The following ROBO1 variants were observed in gnomAD, a reference collection of about 807,000 sequenced individuals.
ROBO1 encodes the protein roundabout homolog 1.
In ROBO1, 149 loss-of-function variants were observed where a neutral mutation model predicts 195.9. The observed-to-expected ratio is 0.76, with a 90% CI of 0.67 to 0.87. The LOEUF is 0.87. ROBO1 is among the 40% of genes least tolerant of loss of function. The pLI is 0.00. For synonymous variants in ROBO1, 816 were observed against 733.2 expected, an observed-to-expected ratio of 1.11 and a Z score of -1.82; for missense variants, 1,933 against 2,068.3, an observed-to-expected ratio of 0.93 and a Z score of 1.27.
At chr3:78,862,523 G>C (rs192982330) in intron 4 of ROBO1, among the ~76,000 whole-genome samples, 1 of 152,250 alleles carries the variant, frequency 6.6e-6, no homozygotes, top group East Asian at 1.9e-4. Flanking sequence ...AGTTTGTGTT[G>C]TTTCAAACTG....
intron 4 of ROBO1, among the ~76,000 whole-genome samples, chr3:78,921,107 C>T (rs891041508): frequency 9.2e-5 from 14 of 152,298 alleles, no homozygotes; most frequent in African/African-American, 3.1e-4. Context: ...CAGTGCCAGA[C>T]ACATAGTGAA....
chr3:79,187,494 T>C (rs1308827780), intron 2 of ROBO1, among the ~76,000 whole-genome samples: 1 of 152,046 alleles, frequency 6.6e-6, no homozygotes, highest in African/African-American at 2.4e-5. Flanking sequence ...AATCAATTAC[T>C]GTACTAATTT....
chr3:79,749,545 G>A lies in ROBO1; in HGVS notation c.-51+18207C>T, dbSNP rs554040827. Among the ~76,000 whole-genome samples the A allele has an allele frequency of 1.2e-4, 18 of 152,270 alleles. No homozygotes were observed. The South Asian group carries it at 3.5e-3, about 30-fold the overall frequency. Reference sequence around the variant, plus strand: ...AGCCCCTTCCATCACAGGCCTGGAGGTCTAGGACTAAAAAGTGGTTTTGTG... The same window carrying A: ...AGCCCCTTCCATCACAGGCCTGGAGATCTAGGACTAAAAAGTGGTTTTGTG... On this transcript the variant is annotated intron_variant, in intron 1 of 30. Transcript: ENST00000464233.
At chr3:79,562,770 C>T (rs754621130) in intron 2 of ROBO1, among the ~76,000 whole-genome samples, 1 of 151,966 alleles carries the variant, frequency 6.6e-6, no homozygotes, top group Non-Finnish European at 1.5e-5. Flanking sequence ...CAATATCCCA[C>T]ATTTTCCTTT....
chr3:79,563,191 C>A (rs546007342), intron 2 of ROBO1, among the ~76,000 whole-genome samples: 1 of 152,010 alleles, frequency 6.6e-6, no homozygotes, highest in Admixed American at 6.6e-5. Flanking sequence ...CTATTGCAAC[C>A]CCCTTCAACT....
Position 79,109,508 on chromosome 3 carries a change from A to G in ROBO1, c.172+15948T>C, listed in dbSNP as rs530751417. 7.2e-5 allele frequency among the ~76,000 whole-genome samples: 11 copies of G among 152,036 alleles called. No individual in the cohort carries two copies. In the East Asian group the frequency reaches 2.1e-3, roughly 29 times the overall value. ...CAGATATTGCTATAGCTGTTTCCTC[A>G]TTGCTTTCTACTTCTGCTTTCTCAA... On this transcript the variant is annotated intron_variant, in intron 3 of 30. Coordinates refer to ENST00000464233, the MANE Select transcript of ROBO1 (RefSeq NM_002941.4).
intron 4 of ROBO1, among the ~76,000 whole-genome samples, chr3:78,779,260 T>A (rs1487201977): frequency 1.3e-5 from 2 of 151,726 alleles, no homozygotes; most frequent in African/African-American, 2.4e-5. Context: ...ACAAATAGGA[T>A]CTAATTAAAT....
chr3:79,201,531 A>G (rs1432236682), intron 2 of ROBO1, among the ~76,000 whole-genome samples: 1 of 151,982 alleles, frequency 6.6e-6, no homozygotes, highest in Non-Finnish European at 1.5e-5. Context: ...AAAGGCCAAG[A>G]AAGATTTTCA....
At chr3:79,222,764 A>T (rs2082162616) in intron 2 of ROBO1, among the ~76,000 whole-genome samples, 2 of 152,164 alleles carry the variant, frequency 1.3e-5, no homozygotes, top group African/African-American at 4.8e-5. Flanking sequence ...TTATTACTAT[A>T]ATATAAATTA....
intron 4 of ROBO1, among the ~76,000 whole-genome samples, chr3:78,881,853 C>T (rs954254110): frequency 6.6e-6 from 1 of 152,084 alleles, no homozygotes; most frequent in African/African-American, 2.4e-5. Context: ...ATAAGAATTA[C>T]TAATTTAATA....
chr3:78,826,645 C>A (rs1374706760), intron 4 of ROBO1, among the ~76,000 whole-genome samples: 1 of 152,146 alleles, frequency 6.6e-6, no homozygotes, highest in Non-Finnish European at 1.5e-5. Context: ...CAAAATGTTC[C>A]ATTGAATTGT....
intron 2 of ROBO1, among the ~76,000 whole-genome samples, chr3:79,334,918 C>T (rs1039693107): frequency 1.3e-5 from 2 of 149,312 alleles, no homozygotes; most frequent in Non-Finnish European, 3.0e-5. Context: ...CCAGCCTGGC[C>T]AATGTGGTGA....
At position 78,755,448 on chromosome 3, in the gene ROBO1, T is replaced by C. The variant is rs2082905548; in HGVS notation, c.500-8548A>G. ...ATGATTGCACTACTGCATTCCAGCC[T>C]GAGCAACAGAGCCAGACCCTGTTTC... On this transcript the variant is annotated intron_variant, in intron 4 of 30. Transcript: ENST00000464233. Among the ~76,000 whole-genome samples, 4 of 152,234 alleles carry C rather than the reference T, an allele frequency of 2.6e-5. No homozygotes were observed. In the South Asian group the frequency reaches 8.3e-4, roughly 32 times the overall value.
intron 1 of ROBO1, among the ~76,000 whole-genome samples, chr3:79,703,196 A>G (rs897285314): frequency 6.6e-5 from 10 of 151,950 alleles, no homozygotes; most frequent in African/African-American, 2.4e-4. Context: ...TATCACTTTC[A>G]TATGTCCTAA....
intron 3 of ROBO1, among the ~76,000 whole-genome samples, chr3:79,037,451 TA>T (rs1194361582): frequency 6.6e-6 from 1 of 152,160 alleles, no homozygotes; most frequent in South Asian, 2.1e-4. Context: ...ATTGTTGATT[TA>T]GCCATGTTAC....
At chr3:78,955,856 A>C (rs2041024431) in intron 3 of ROBO1, among the ~76,000 whole-genome samples, 1 of 152,156 alleles carries the variant, frequency 6.6e-6, no homozygotes, top group South Asian at 2.1e-4. Flanking sequence ...TGTCAACTTC[A>C]CTCATTTTAA....
intron 3 of ROBO1, among the ~76,000 whole-genome samples, chr3:78,957,334 A>G (rs2041099911): frequency 1.3e-5 from 2 of 151,278 alleles, no homozygotes; most frequent in Non-Finnish European, 2.9e-5. Context: ...AAAAAACAAA[A>G]ACAGTAAGTG....
chr3:79,583,777 C>T (rs115991016), intron 2 of ROBO1, among the ~76,000 whole-genome samples: 2,925 of 151,860 alleles, frequency 0.019, 113 homozygotes, highest in African/African-American at 0.066. Context: ...ATGATCACAA[C>T]GATGAACTAT....
At chr3:79,107,129 A>T (rs13070500) in intron 3 of ROBO1, among the ~76,000 whole-genome samples, 5,740 of 66,550 alleles carry the variant, frequency 0.086, 256 homozygotes, top group African/African-American at 0.19. Context: ...TCTCTCTCTC[A>T]CACACACACA....
Sources: allele counts gnomAD v4.1 joint callset (sites outside exome capture counted in the v4.1 genomes callset), GRCh38; gene constraint gnomAD v4.1.1; transcripts MANE v1.5; gene names NCBI Gene and HGNC (gene_info 2026-07-23, HGNC 2026-07-21).